Variants in CYP1A2 observed in about 807,000 individuals in gnomAD.
The protein encoded by CYP1A2 is cytochrome P450 family 1 subfamily A member 2.
In CYP1A2, 35 loss-of-function variants were observed where a neutral mutation model predicts 34.7. That is an observed-to-expected ratio of 1.01 (90% CI 0.77 to 1.34). CYP1A2 has a LOEUF of 1.34. Among genes scored for constraint, CYP1A2 ranks in the 40% most tolerant of loss-of-function variants. The pLI, the probability that CYP1A2 is intolerant of heterozygous loss-of-function variation, is 0.00. For missense variants in CYP1A2, 675 were observed against 675.8 expected (o/e 1.00, Z 0.01); for synonymous variants, 288 against 281.9 (o/e 1.02, Z -0.22).
chr15:74,752,076 G>A, intron 4 of CYP1A2, 48 bp from the exon 5 acceptor site: 1 of 1,609,258 alleles, frequency 6.2e-7, no homozygotes, highest in Non-Finnish European at 8.5e-7. Context: ...TAATTCATGG[G>A]GCAGTTAGGG....
rs2063338528 is a variant in CYP1A2, at chr15:74,756,483, C to G, written c.*1395C>G. Among the ~76,000 whole-genome samples, 2 of 152,188 alleles carry G rather than the reference C, an allele frequency of 1.3e-5. No homozygotes were observed. The highest frequency in any genetic ancestry group is 6.6e-5 in the Admixed American group (1 of 15,262). On this transcript the variant is annotated 3_prime_UTR_variant, in exon 7 of 7. Coordinates refer to ENST00000343932, the MANE Select transcript of CYP1A2 (RefSeq NM_000761.5). ...AACCCTGCACCCATTAGCAGTCCCT[C>G]CACATTTCCCCCTAGCCTGCCTCCC...
At position 74,755,877 on chromosome 15, in the gene CYP1A2, C is replaced by A. The variant is rs1382472322; in HGVS notation, c.*789C>A. The A allele has an allele frequency of 6.6e-6, 1 of 152,176 alleles. No homozygotes were observed. 9.4% of individuals were successfully genotyped at this position (152,176 alleles called of 1,614,324 possible). A position where few individuals can be genotyped will look rare whatever the true frequency, so the allele number is the denominator to read the frequency against. Reference sequence around the variant, plus strand: ...CTGTTGCCAGGCTGGAGTGCAGTGGCGCGATCTCAGCTCACTACAACCTCC... The same window carrying A: ...CTGTTGCCAGGCTGGAGTGCAGTGGAGCGATCTCAGCTCACTACAACCTCC... On this transcript the variant is annotated 3_prime_UTR_variant, in exon 7 of 7. Coordinates refer to ENST00000343932, the MANE Select transcript of CYP1A2 (RefSeq NM_000761.5).
At position 74,755,483 on chromosome 15, in the gene CYP1A2, T is replaced by A. The variant is rs2063334688; in HGVS notation, c.*395T>A. On this transcript the variant is annotated 3_prime_UTR_variant, in exon 7 of 7. Coordinates refer to ENST00000343932, the MANE Select transcript of CYP1A2 (RefSeq NM_000761.5). ...TTTTGTCTGAGACAGAATCTCAGTC[T>A]GTCACCCAGGTTGGAGTGCAGTGGC... is the stretch of plus-strand genomic sequence containing the variant. The A allele has an allele frequency of 6.2e-6, 1 of 161,174 alleles. No individual in the cohort carries two copies. Among genetic ancestry groups the A allele is most frequent in the Admixed American group, 6.0e-5 (1 of 16,708 alleles). 10.0% of individuals were successfully genotyped at this position (161,174 alleles called of 1,614,324 possible).
chr15:74,754,193 C>G (rs1216718043), intron 6 of CYP1A2, among the ~76,000 whole-genome samples: 1 of 152,018 alleles, frequency 6.6e-6, no homozygotes, highest in Non-Finnish European at 1.5e-5. Flanking sequence ...TGTAAGCCAC[C>G]AAACCCAGCC....
rs1367910185 is a variant in CYP1A2, at chr15:74,755,011, AC to A, written c.1479del (p.Ile494SerfsTer4). On this transcript the variant is annotated frameshift_variant, in exon 7 of 7. Transcript: ENST00000343932. LOFTEE classifies it low-confidence loss of function (END_TRUNC). ...GCCGCCGGGCGTGAAAGTCGACCTG[AC>A]CCCCATCTACGGGCTGACCATGAAG... is the stretch of plus-strand genomic sequence containing the variant. ...SVPPGVKVDLTPIYGLTMKHA... is the reference protein window; with the variant it reads ...SVPPGVKVDLXPIYGLTMKHA... 1.2e-6 allele frequency: 2 copies of A among 1,613,788 alleles called. No homozygotes were observed. Among genetic ancestry groups the A allele is most frequent in the African/African-American group, 1.3e-5 (1 of 74,864 alleles).
rs376674911 is a variant in CYP1A2, at chr15:74,753,257, G to A, written c.1240G>A (p.Val414Ile). The A allele has an allele frequency of 1.8e-5, 29 of 1,613,844 alleles. No individual in the cohort carries two copies. The Middle Eastern group carries it at 1.8e-3, about 101-fold the overall frequency. ...CTGTGTCTTCGTAAACCAGTGGCAG[G>A]TCAACCATGACCCGTGAGTACATAC... Reference protein sequence around the residue: ...KCCVFVNQWQVNHDPELWEDP... With the variant: ...KCCVFVNQWQINHDPELWEDP... The change falls in exon 6 of 7, where the codon GTC (valine) becomes ATC (isoleucine). Residue 414 changes from valine to isoleucine, a missense_variant. By Grantham distance (29) the Val-to-Ile change is conservative. Coordinates refer to ENST00000343932, the MANE Select transcript of CYP1A2 (RefSeq NM_000761.5).
At position 74,756,606 on chromosome 15, in the gene CYP1A2, T is replaced by C. The variant is rs997543413; in HGVS notation, c.*1518T>C. On this transcript the variant is annotated 3_prime_UTR_variant, in exon 7 of 7. Transcript: ENST00000343932. ...ATAAATGGAATTACACAATGAGTGG[T>C]CTTTTGTGACTGGCTTCTTTCACTT... is the stretch of plus-strand genomic sequence containing the variant. 5.9e-5 allele frequency among the ~76,000 whole-genome samples: 9 copies of C among 152,288 alleles called. No individual in the cohort carries two copies. In the South Asian group the frequency reaches 6.2e-4, roughly 11 times the overall value.
Position 74,755,280 on chromosome 15 carries a change from C to A in CYP1A2, c.*192C>A. ...AGGAATTGGAAAGCAGCCTGGCCAA[C>A]ATAGTGGGACCCTGTCTCTACAAAA... On this transcript the variant is annotated 3_prime_UTR_variant, in exon 7 of 7. Coordinates refer to ENST00000343932, the MANE Select transcript of CYP1A2 (RefSeq NM_000761.5). 4.9e-6 allele frequency: 3 copies of A among 609,808 alleles called. No individual in the cohort carries two copies. Among genetic ancestry groups the A allele is most frequent in the Non-Finnish European group, 8.0e-6 (3 of 374,872 alleles). 37.8% of individuals were successfully genotyped at this position (609,808 alleles called of 1,614,324 possible).
Position 74,755,053 on chromosome 15 carries a change from C to G in CYP1A2, c.1516C>G (p.His506Asp). The change falls in exon 7 of 7, where the codon CAT becomes GAT. Residue 506 changes from histidine to aspartate, a missense_variant. By Grantham distance (81) the His-to-Asp change is moderately conservative (BLOSUM62 -1). Transcript: ENST00000343932. ...GLTMKHARCE[H>D]VQARLRFSIN Reference sequence around the variant, plus strand: ...GACCATGAAGCACGCCCGCTGTGAACATGTCCAGGCGCGGCTGCGCTTCTC... The same window carrying G: ...GACCATGAAGCACGCCCGCTGTGAAGATGTCCAGGCGCGGCTGCGCTTCTC... The G allele has an allele frequency of 6.2e-7, 1 of 1,613,284 alleles. No individual in the cohort carries two copies.
intron 5 of CYP1A2, among the ~76,000 whole-genome samples, chr15:74,752,570 G>A (rs1411810953): frequency 2.0e-5 from 3 of 152,054 alleles, no homozygotes; most frequent in Non-Finnish European, 4.4e-5. Context: ...CTTCTGCCTG[G>A]AATACCTTCT....
chr15:74,752,182 C>A lies in CYP1A2; in HGVS notation c.1101C>A (p.Tyr367Ter). 6.2e-7 allele frequency: 1 copy of A among 1,614,070 alleles called. No individual in the cohort carries two copies. Among genetic ancestry groups the A allele is most frequent in the Non-Finnish European group, 8.5e-7 (1 of 1,179,988 alleles). ...TCTCTGACAGACCCCAGCTGCCCTACTTGGAGGCCTTCATCCTGGAGACCT... is the reference window on the plus strand; with the variant it reads ...TCTCTGACAGACCCCAGCTGCCCTAATTGGAGGCCTTCATCCTGGAGACCT... ...PRLSDRPQLPYLEAFILETFR... is the reference protein window; with the variant it reads ...PRLSDRPQLP The change falls in exon 5 of 7, where the codon TAC (tyrosine) becomes TAA (stop). Residue 367 changes from tyrosine to a stop codon, truncating the protein, a stop_gained. Transcript: ENST00000343932. LOFTEE classifies it high-confidence loss of function.
chr15:74,752,389 A>G (rs1329400225), intron 5 of CYP1A2, 142 bp downstream of exon 5: 2 of 1,189,690 alleles, frequency 1.7e-6, no homozygotes, highest in Admixed American at 4.4e-5. Context: ...GCCCCCATCC[A>G]GTCCAAACAT....
chr15:74,751,931 T>C (rs2063317398), intron 4 of CYP1A2, 77 bp downstream of exon 4: 2 of 1,540,410 alleles, frequency 1.3e-6, no homozygotes, highest in Admixed American at 1.8e-5. Flanking sequence ...CAAACACCTG[T>C]TATGTGCCTG....
At position 74,753,165 on chromosome 15, in the gene CYP1A2, T is replaced by C; in HGVS notation, c.1167-19T>C. ...AGCTTTCCAGCCCTGAGCCTCACAG[T>C]GCCCTCTTCCCTCCTCAGCACAACA... is the stretch of plus-strand genomic sequence containing the variant. On this transcript the variant is annotated intron_variant, in intron 5 of 6. Transcript: ENST00000343932. 5.0e-6 allele frequency: 8 copies of C among 1,608,806 alleles called. No homozygotes were observed. The highest frequency in any genetic ancestry group is 6.8e-6 in the Non-Finnish European group (8 of 1,175,766).
Position 74,750,441 on chromosome 15 carries a change from C to G in CYP1A2, c.703C>G (p.Pro235Ala), listed in dbSNP as rs200328907. 3.5e-5 allele frequency: 57 copies of G among 1,614,080 alleles called. No individual in the cohort carries two copies. Among genetic ancestry groups the G allele is most frequent in the Non-Finnish European group, 4.5e-5 (53 of 1,180,044 alleles). The change falls in exon 2 of 7, where the codon CCC becomes GCC. Residue 235 changes from proline to alanine, a missense_variant. Physicochemically the swap from Pro to Ala is conservative, Grantham distance 27. Transcript: ENST00000343932. The part of the protein sequence containing the change: ...EFVETASSGN[P>A]LDFFPILRYL... ...CGTGGAGACTGCCTCCTCCGGGAAC[C>G]CCCTGGACTTCTTCCCCATCCTTCG...
In CYP1A2 at chr15:74,755,097, C is replaced by G; in HGVS notation, c.*9C>G. ...GCTTCTCCATCAATTGAAGAAGACACCACCATTCTGAGGCCAGGGAGCGAG... is the reference window on the plus strand; with the variant it reads ...GCTTCTCCATCAATTGAAGAAGACAGCACCATTCTGAGGCCAGGGAGCGAG... On this transcript the variant is annotated 3_prime_UTR_variant, in exon 7 of 7. Coordinates refer to ENST00000343932, the MANE Select transcript of CYP1A2 (RefSeq NM_000761.5). The G allele has an allele frequency of 2.5e-6, 4 of 1,596,304 alleles. No homozygotes were observed. The highest frequency in any genetic ancestry group is 3.4e-6 in the Non-Finnish European group (4 of 1,169,636).
At position 74,754,815 on chromosome 15, in the gene CYP1A2, G is replaced by T. The variant is rs374433914; in HGVS notation, c.1278G>T (p.Glu426Asp). Residue 426 changes from glutamate (E) to aspartate (D), a missense_variant, in exon 7 of 7, where the codon GAG becomes GAT. By Grantham distance (45) the Glu-to-Asp change is conservative. Transcript: ENST00000343932. The part of the protein sequence containing the change: ...HDPELWEDPS[E>D]FRPERFLTAD... ...GAGAGCTGTGGGAGGACCCCTCTGA[G>T]TTCCGGCCTGAGCGGTTCCTCACCG... The T allele has an allele frequency of 1.2e-6, 2 of 1,613,520 alleles. No homozygotes were observed. The highest frequency in any genetic ancestry group is 2.7e-5 in the African/African-American group (2 of 74,902).
intron 5 of CYP1A2, 102 bp from the exon 6 acceptor site, chr15:74,753,082 G>A: frequency 1.3e-6 from 1 of 784,986 alleles, no homozygotes; most frequent in East Asian, 2.7e-5. Context: ...GTGTAGGGAT[G>A]GAGATGGCGG....
chr15:74,751,395 C>A, intron 3 of CYP1A2, 86 bp downstream of exon 3: 1 of 1,558,474 alleles, frequency 6.4e-7, no homozygotes. Context: ...ATGAAATAAC[C>A]CACCAACCCT....
Sources: gnomAD v4.1 joint callset for allele counts (sites outside exome capture counted in the v4.1 genomes callset) on GRCh38, gnomAD v4.1.1 for gene constraint, MANE v1.5 for transcripts, NCBI Gene and HGNC (gene_info 2026-07-23, HGNC 2026-07-21) for gene names.